SPIDR: variants seen among roughly 807,000 people sequenced by gnomAD.
SPIDR encodes scaffold protein involved in DNA repair.
Under a neutral mutation model 104.6 loss-of-function variants are expected in SPIDR, and 93 were observed. That is an observed-to-expected ratio of 0.89 (90% CI 0.75 to 1.06). The LOEUF (loss-of-function observed/expected upper bound fraction) is 1.06. Ranked by LOEUF, SPIDR falls within the 50% of genes least tolerant of loss-of-function variation. SPIDR has a pLI of 0.00. For missense variants in SPIDR, 1,154 were observed against 1,111.2 expected (o/e 1.04, Z -0.55); for synonymous variants, 431 against 416.9 (o/e 1.03, Z -0.41).
At chr8:47,678,965 G>T (rs1242826940) in intron 11 of SPIDR, among the ~76,000 whole-genome samples, 1 of 152,142 alleles carries the variant, frequency 6.6e-6, no homozygotes, top group Non-Finnish European at 1.5e-5. Context: ...GGGATTCCCA[G>T]CCCACTGCCC....
chr8:47,320,642 A>C (rs1205133086), intron 5 of SPIDR, among the ~76,000 whole-genome samples: 2 of 146,698 alleles, frequency 1.4e-5, no homozygotes, highest in East Asian at 3.9e-4. Flanking sequence ...GAGACACAGC[A>C]AAAAAAGAGA....
At chr8:47,583,234 A>AGGCGGAGCGTGCAGTGAGCCAAGATC in intron 8 of SPIDR, among the ~76,000 whole-genome samples, 2 of 147,582 alleles carry the variant, frequency 1.4e-5, no homozygotes, top group Non-Finnish European at 3.0e-5. Context: ...TGAACCCAGG[A>AGGCGGAGCGTGCAGTGAGCCAAGATC]GGCGGAGCGT....
At chr8:47,603,290 C>G (rs1442990832) in intron 10 of SPIDR, among the ~76,000 whole-genome samples, 2 of 152,180 alleles carry the variant, frequency 1.3e-5, no homozygotes, top group African/African-American at 4.8e-5. Context: ...TATTACCTCA[C>G]TCCAAGCCCA....
chr8:47,576,937 C>G (rs2059197409), intron 8 of SPIDR, among the ~76,000 whole-genome samples: 1 of 152,116 alleles, frequency 6.6e-6, no homozygotes, highest in Non-Finnish European at 1.5e-5. Context: ...ATTTGACCTG[C>G]CATACAACAG....
chr8:47,657,054 G>C (rs2072960739), intron 10 of SPIDR, among the ~76,000 whole-genome samples: 1 of 152,204 alleles, frequency 6.6e-6, no homozygotes, highest in South Asian at 2.1e-4. Context: ...CTTTTGGGAT[G>C]ATAAAAATAT....
rs1232304858 is a variant in SPIDR, at chr8:47,723,452, A to C, written c.2342-3748A>C. On this transcript the variant is annotated intron_variant, in intron 16 of 19. Coordinates refer to ENST00000297423, the MANE Select transcript of SPIDR (RefSeq NM_001080394.4). ...TTTTTTTTTTTTTTTTTTCTGGAGA[A>C]GGAGTCTCGCTCTGTCGCCCAGGCT... 2.2e-4 allele frequency among the ~76,000 whole-genome samples: 32 copies of C among 143,256 alleles called. No homozygotes were observed. The Middle Eastern group carries it at 0.011, about 48-fold the overall frequency. 94.0% of individuals were successfully genotyped at this position (143,256 alleles called of 152,430 possible).
intron 3 of SPIDR, among the ~76,000 whole-genome samples, chr8:47,289,027 A>G (rs2039405936): frequency 6.6e-6 from 1 of 151,856 alleles, no homozygotes. Flanking sequence ...TTTCTTTTTT[A>G]GAGATGGGAT....
chr8:47,721,579 C>T (rs910844342), intron 16 of SPIDR, among the ~76,000 whole-genome samples: 10 of 151,998 alleles, frequency 6.6e-5, no homozygotes, highest in African/African-American at 2.2e-4. Context: ...TCACGCCATT[C>T]TCCTGCCTCA....
intron 8 of SPIDR, among the ~76,000 whole-genome samples, chr8:47,498,788 A>G (rs1020474651): frequency 1.3e-5 from 2 of 152,226 alleles, no homozygotes; most frequent in East Asian, 1.9e-4. Flanking sequence ...TCTTTGCTAT[A>G]AAAGAAAGGC....
chr8:47,515,891 A>G (rs961629761), intron 8 of SPIDR, among the ~76,000 whole-genome samples: 2 of 151,876 alleles, frequency 1.3e-5, no homozygotes, highest in African/African-American at 4.8e-5. Flanking sequence ...GCTCACTGCA[A>G]CCTCCACTCC....
intron 5 of SPIDR, 196 bp downstream of exon 5, chr8:47,294,226 T>G: frequency 1.7e-6 from 1 of 577,668 alleles, no homozygotes; most frequent in Non-Finnish European, 2.8e-6. Flanking sequence ...TGGATAAATA[T>G]TGATCTCACT....
At chr8:47,660,531 C>G in intron 10 of SPIDR, 1 of 985,326 alleles carries the variant, frequency 1.0e-6, no homozygotes, top group African/African-American at 1.7e-5. Flanking sequence ...CTGCTGCTAC[C>G]CTGTTCCCCT....
chr8:47,549,473 G>C (rs900334533), intron 8 of SPIDR, among the ~76,000 whole-genome samples: 4 of 152,194 alleles, frequency 2.6e-5, no homozygotes, highest in Non-Finnish European at 5.9e-5. Context: ...TAACTGGTGT[G>C]AGATACTATC....
chr8:47,529,834 A>G (rs2085639138), intron 8 of SPIDR, among the ~76,000 whole-genome samples: 1 of 152,254 alleles, frequency 6.6e-6, no homozygotes, highest in African/African-American at 2.4e-5. Context: ...TTGTTATTGT[A>G]AAGTACTTGT....
At chr8:47,542,732 G>C (rs1365669545) in intron 8 of SPIDR, among the ~76,000 whole-genome samples, 2 of 152,100 alleles carry the variant, frequency 1.3e-5, no homozygotes, top group Non-Finnish European at 2.9e-5. Flanking sequence ...ATATCTTGCA[G>C]AACTGTCATA....
Position 47,302,859 on chromosome 8 carries a change from G to A in SPIDR, c.525+8829G>A, listed in dbSNP as rs909851768. On this transcript the variant is annotated intron_variant, in intron 5 of 19. Coordinates refer to ENST00000297423, the MANE Select transcript of SPIDR (RefSeq NM_001080394.4). ...TGTGAGGTGTCAGTCTGCCCCTACTGGGGGGTCCCTCCCAGTTAGGCTACT... is the reference window on the plus strand; with the variant it reads ...TGTGAGGTGTCAGTCTGCCCCTACTAGGGGGTCCCTCCCAGTTAGGCTACT... Among the ~76,000 whole-genome samples, 1,141 of 152,248 alleles carry A rather than the reference G, an allele frequency of 7.5e-3. 13 individuals are homozygous for A. The highest frequency in any genetic ancestry group is 0.026 in the African/African-American group (1,094 of 41,542).
At chr8:47,719,605 C>T (rs1425757467) in intron 16 of SPIDR, among the ~76,000 whole-genome samples, 1 of 152,152 alleles carries the variant, frequency 6.6e-6, no homozygotes, top group African/African-American at 2.4e-5. Context: ...CTTCTCCAAG[C>T]AGCTACAGCT....
intron 5 of SPIDR, among the ~76,000 whole-genome samples, chr8:47,346,393 C>T (rs1347933036): frequency 1.3e-5 from 2 of 152,174 alleles, no homozygotes; most frequent in African/African-American, 4.8e-5. Flanking sequence ...TGGATTTTTG[C>T]ATTGATGTTC....
rs569812908 is a variant in SPIDR, at chr8:47,326,188, T to A, written c.525+32158T>A. On this transcript the variant is annotated intron_variant, in intron 5 of 19. Transcript: ENST00000297423. ...TTCTGTATTTATTTATTTATTTTAT[T>A]TTTTTCTAGAGAGGCAAGGTTTTGC... Among the ~76,000 whole-genome samples, 101 of 152,250 alleles carry A rather than the reference T, an allele frequency of 6.6e-4. 1 individual carries two copies. Among genetic ancestry groups the A allele is most frequent in the African/African-American group, 2.3e-3 (97 of 41,540 alleles).
Sources: allele counts gnomAD v4.1 joint callset (sites outside exome capture counted in the v4.1 genomes callset), GRCh38; gene constraint gnomAD v4.1.1; transcripts MANE v1.5; gene names NCBI Gene and HGNC (gene_info 2026-07-23, HGNC 2026-07-21).